TCTN1: variants seen among roughly 807,000 people sequenced by gnomAD.
TCTN1 encodes the protein tectonic-1.
Under a neutral mutation model 65.8 loss-of-function variants are expected in TCTN1, and 58 were observed. The observed-to-expected ratio is 0.88, with a 90% CI of 0.71 to 1.10. TCTN1 has a LOEUF of 1.10. TCTN1 is among the 50% of genes least tolerant of loss of function. The pLI is 0.00. For synonymous variants in TCTN1, 273 were observed against 289.1 expected, an observed-to-expected ratio of 0.94 and a Z score of 0.57; for missense variants, 645 against 719.4, an observed-to-expected ratio of 0.90 and a Z score of 1.18.
rs962337150 is a variant in TCTN1, at chr12:110,649,354, G to A, written c.*313G>A. The A allele has an allele frequency of 1.3e-5, 19 of 1,439,374 alleles. No individual in the cohort carries two copies. The highest frequency in any genetic ancestry group is 9.3e-5 in the East Asian group (4 of 43,022). The allele number at this position is 1,439,374 out of a possible 1,614,324, so 89.2% of individuals were successfully genotyped here. A position where few individuals can be genotyped will look rare whatever the true frequency, so the allele number is the denominator to read the frequency against. ...CCCAGGAGGGGCAGCTGTTCCTCTC[G>A]TGACAGCACAGGCCCATGAGACAGT... On this transcript the variant is annotated 3_prime_UTR_variant, in exon 15 of 15. Coordinates refer to ENST00000397659, the MANE Select transcript of TCTN1 (RefSeq NM_001082538.3).
intron 2 of TCTN1, 74 bp from the exon 3 acceptor site, chr12:110,626,288 A>G: frequency 2.0e-6 from 3 of 1,471,826 alleles, no homozygotes; most frequent in Non-Finnish European, 2.8e-6. Context: ...AGCATCTGAC[A>G]GTTTTAAAAT....
intron 13 of TCTN1, 132 bp downstream of exon 13, chr12:110,647,468 C>T: frequency 7.8e-7 from 1 of 1,276,502 alleles, no homozygotes. Flanking sequence ...AATATTTCAG[C>T]AGTCATTCTT....
At chr12:110,642,162 C>T (rs2066999984) in intron 10 of TCTN1, 87 bp from the exon 11 acceptor site, 1 of 1,569,078 alleles carries the variant, frequency 6.4e-7, no homozygotes, top group South Asian at 1.1e-5. Flanking sequence ...TTTGGGTCTC[C>T]CTCATGTCAC....
rs1019074081 is a variant in TCTN1 at position 110,624,739 on chromosome 12, G to T, written c.342-1623G>T. Among the ~76,000 whole-genome samples, 3 of 152,018 alleles carry T rather than the reference G, an allele frequency of 2.0e-5. No homozygotes were observed. The East Asian group carries it at 5.8e-4, about 29-fold the overall frequency. ...ACTACAGGCACATGCCACCACGCCT[G>T]GCTAATTTATTTTTGTATTTTTAGT... On this transcript the variant is annotated intron_variant, in intron 2 of 14. Coordinates refer to ENST00000397659, the MANE Select transcript of TCTN1 (RefSeq NM_001082538.3).
chr12:110,619,848 G>A lies in TCTN1; in HGVS notation c.233G>A (p.Cys78Tyr), dbSNP rs760047850. 7.4e-6 allele frequency: 12 copies of A among 1,614,016 alleles called. No individual in the cohort carries two copies. In the South Asian group the frequency reaches 1.2e-4, roughly 16 times the overall value. ...CTTTTTTCTGCAGTTGCTGTTCTCT[G>A]TGTCTGTGACTTATCCCCAGCACAG... ...PTPVTDVAVL[C>Y]VCDLSPAQCD... Residue 78 changes from cysteine to tyrosine, a missense_variant, in exon 2 of 15, where the codon TGT (cysteine) becomes TAT (tyrosine). Transcript: ENST00000397659.
rs924837402 is a variant in TCTN1 at position 110,644,280 on chromosome 12, C to T, written c.1332-687C>T. On this transcript the variant is annotated intron_variant, in intron 11 of 14. Transcript: ENST00000397659. This position sits in a 1 kb window ranked among gnomAD's most constrained non-coding sequence, Gnocchi z 4.6. The stretch of plus-strand genomic sequence containing the variant: ...TTGGGAAACACTGTTTTAGACTCAT[C>T]ATCTCACAGGTAAAGATTTTGCAAA... 1.3e-5 allele frequency: 2 copies of T among 154,322 alleles called. No individual in the cohort carries two copies. The highest frequency in any genetic ancestry group is 2.9e-5 in the Non-Finnish European group (2 of 69,508). 9.6% of individuals were successfully genotyped at this position (154,322 alleles called of 1,614,324 possible). A position where few individuals can be genotyped will look rare whatever the true frequency, so the allele number is the denominator to read the frequency against.
intron 11 of TCTN1, chr12:110,643,942 G>C (rs2067134794): frequency 6.6e-6 from 1 of 152,228 alleles, no homozygotes; most frequent in Non-Finnish European, 1.5e-5. Flanking sequence ...AACATGTTGG[G>C]ATTACAGGTG....
At chr12:110,625,627 C>T (rs2065779313) in intron 2 of TCTN1, 1 of 151,858 alleles carries the variant, frequency 6.6e-6, no homozygotes, top group African/African-American at 2.4e-5. Flanking sequence ...CACCTGTAGT[C>T]CCAGCTACTC....
intron 4 of TCTN1, among the ~76,000 whole-genome samples, chr12:110,632,004 G>A (rs1384437289): frequency 2.0e-5 from 3 of 152,116 alleles, no homozygotes; most frequent in Non-Finnish European, 4.4e-5. Context: ...TATTAATCTG[G>A]GTTTTGAAGA....
intron 4 of TCTN1, 110 bp downstream of exon 4, chr12:110,629,028 T>C (rs1226120352): frequency 7.9e-7 from 1 of 1,268,870 alleles, no homozygotes; most frequent in Non-Finnish European, 1.1e-6. Flanking sequence ...GAGTTGATAT[T>C]ATAGACTAAA....
At chr12:110,629,862 C>T (rs534943155) in intron 4 of TCTN1, 1 of 152,236 alleles carries the variant, frequency 6.6e-6, no homozygotes, top group African/African-American at 2.4e-5. Flanking sequence ...CAGTGATAGA[C>T]TGGGTGAAGA....
intron 12 of TCTN1, 108 bp downstream of exon 12, chr12:110,645,237 T>C (rs1011653786): frequency 2.1e-6 from 3 of 1,447,040 alleles, no homozygotes; most frequent in Non-Finnish European, 2.8e-6. Context: ...TGGCCCTGAG[T>C]GGGAGCGCGG....
rs2066912845 is a variant in TCTN1 at position 110,640,987 on chromosome 12, T to C, written c.979-37T>C. On this transcript the variant is annotated intron_variant, in intron 8 of 14. Coordinates refer to ENST00000397659, the MANE Select transcript of TCTN1 (RefSeq NM_001082538.3). The surrounding 1 kb of genome is among the most constrained non-coding windows in gnomAD (Gnocchi z 4.9). ...TATTCATACAGCTTCTGAAATGTAA[T>C]GGAACAGGTATATTTGGAGTATCAT... is the stretch of plus-strand genomic sequence containing the variant. 1 of 1,614,052 alleles carries C rather than the reference T, an allele frequency of 6.2e-7. No individual in the cohort carries two copies. The highest frequency in any genetic ancestry group is 1.3e-5 in the African/African-American group (1 of 75,056).
Position 110,636,221 on chromosome 12 carries a change from T to C in TCTN1, c.823-260T>C, listed in dbSNP as rs1397187543. Reference sequence around the variant, plus strand: ...AATATACAATAATGACCCTGGAGCATGGAGCCTTCCTGAGACTAGCTTGGT... The same window carrying C: ...AATATACAATAATGACCCTGGAGCACGGAGCCTTCCTGAGACTAGCTTGGT... On this transcript the variant is annotated intron_variant, in intron 6 of 14. Transcript: ENST00000397659. 2.7e-5 allele frequency: 12 copies of C among 441,798 alleles called. No individual in the cohort carries two copies. The East Asian group carries it at 5.8e-4, about 21-fold the overall frequency. The allele number at this position is 441,798 out of a possible 1,614,324, so 27.4% of individuals were successfully genotyped here.
chr12:110,641,735 G>A, intron 10 of TCTN1, 108 bp downstream of exon 10: 1 of 1,179,768 alleles, frequency 8.5e-7, no homozygotes, highest in Non-Finnish European at 1.2e-6. Context: ...GGGAAGGAGA[G>A]AGCAGTCCAG....
chr12:110,632,086 T>G (rs983856631), intron 4 of TCTN1, among the ~76,000 whole-genome samples: 3 of 152,182 alleles, frequency 2.0e-5, no homozygotes, highest in Non-Finnish European at 4.4e-5. Flanking sequence ...TTATAAAAAA[T>G]TGATTTTTAT....
At position 110,640,460 on chromosome 12, in the gene TCTN1, G is replaced by A. The variant is rs769260274; in HGVS notation, c.921G>A (p.Leu307=). 1 of 1,614,230 alleles carries A rather than the reference G, an allele frequency of 6.2e-7. No homozygotes were observed. Among genetic ancestry groups the A allele is most frequent in the South Asian group, 1.1e-5 (1 of 91,088 alleles). Reference sequence around the variant, plus strand: ...CCCGACGGGAGGACACTGATGTGCTGCAGCCGACTCTCGTCAACGCTGGAC... The same window carrying A: ...CCCGACGGGAGGACACTGATGTGCTACAGCCGACTCTCGTCAACGCTGGAC... ...TLTRREDTDV[L]QPTLVNAGHF... Residue 307 remains leucine (L), a synonymous_variant, in exon 8 of 15, where the codon CTG becomes CTA. Coordinates refer to ENST00000397659, the MANE Select transcript of TCTN1 (RefSeq NM_001082538.3). The surrounding 1 kb of genome is among the most constrained non-coding windows in gnomAD (Gnocchi z 4.9).
chr12:110,629,224 A>T (rs1325965574), intron 4 of TCTN1: 2 of 480,014 alleles, frequency 4.2e-6, no homozygotes, highest in Non-Finnish European at 3.6e-6. Context: ...AGCAATGGCA[A>T]CAAAAGCCAA....
At chr12:110,621,751 C>T (rs1272678936) in intron 2 of TCTN1, among the ~76,000 whole-genome samples, 4 of 150,658 alleles carry the variant, frequency 2.7e-5, no homozygotes, top group African/African-American at 9.7e-5. Context: ...GGATTACAGG[C>T]GTGAGCCACT....
Sources: gnomAD v4.1 joint callset for allele counts (sites outside exome capture counted in the v4.1 genomes callset) on GRCh38, gnomAD v4.1.1 for gene constraint, Gnocchi (gnomAD v3.1) non-coding constraint, MANE v1.5 for transcripts, NCBI Gene and HGNC (gene_info 2026-07-23, HGNC 2026-07-21) for gene names.